The following GPC5 variants were observed in gnomAD, a reference collection of about 807,000 sequenced individuals.
The protein encoded by GPC5 is glypican-5.
GPC5 carries 47 observed loss-of-function variants against 53.9 expected under a neutral mutation model. That is an observed-to-expected ratio of 0.87 (90% CI 0.69 to 1.11). The LOEUF is 1.11. Ranked by LOEUF, GPC5 falls within the 50% of genes most tolerant of loss-of-function variation. The pLI is 0.00. For synonymous variants in GPC5, 286 were observed against 263.3 expected, an observed-to-expected ratio of 1.09 and a Z score of -0.84; for missense variants, 748 against 713.1, an observed-to-expected ratio of 1.05 and a Z score of -0.56.
chr13:92,345,624 G>T (rs2043404746), intron 7 of GPC5, among the ~76,000 whole-genome samples: 1 of 152,130 alleles, frequency 6.6e-6, no homozygotes, highest in African/African-American at 2.4e-5. Flanking sequence ...AGATGAGTAG[G>T]AATTACCTCA....
At chr13:92,477,308 A>C (rs534221455) in intron 7 of GPC5, among the ~76,000 whole-genome samples, 6 of 152,256 alleles carry the variant, frequency 3.9e-5, no homozygotes, top group Non-Finnish European at 8.8e-5. Context: ...TTTCAAGCCA[A>C]GACTGTTTAG....
intron 6 of GPC5, among the ~76,000 whole-genome samples, chr13:91,980,995 A>G (rs2040352321): frequency 6.6e-6 from 1 of 152,132 alleles, no homozygotes; most frequent in Non-Finnish European, 1.5e-5. Flanking sequence ...TTAGAAATCC[A>G]TTTTATATTT....
chr13:92,812,992 T>C (rs903491083), intron 7 of GPC5, among the ~76,000 whole-genome samples: 1 of 152,008 alleles, frequency 6.6e-6, no homozygotes, highest in African/African-American at 2.4e-5. Context: ...CCAATTCTTA[T>C]AAAATGAAGT....
intron 1 of GPC5, among the ~76,000 whole-genome samples, chr13:91,446,938 A>G (rs1346655885): frequency 4.6e-5 from 7 of 152,348 alleles, no homozygotes; most frequent in African/African-American, 1.7e-4. Flanking sequence ...AGAAGAGACC[A>G]TGGAAAATGG....
intron 1 of GPC5, among the ~76,000 whole-genome samples, chr13:91,424,351 TCCAGTACTGC>T: frequency 6.7e-6 from 1 of 148,668 alleles, no homozygotes. Flanking sequence ...ACTGGCAGAA[TCCAGTACTGC>T]TTTTTTTTTT....
At chr13:92,743,579 C>A (rs1182108313) in intron 7 of GPC5, among the ~76,000 whole-genome samples, 2 of 152,090 alleles carry the variant, frequency 1.3e-5, no homozygotes, top group Admixed American at 6.6e-5. Context: ...CCCTTTATTT[C>A]TTTCTCCTGC....
intron 7 of GPC5, among the ~76,000 whole-genome samples, chr13:92,349,597 T>C (rs1043784685): frequency 2.6e-5 from 4 of 151,944 alleles, no homozygotes; most frequent in East Asian, 3.9e-4. Context: ...AATAGAATCA[T>C]AAGCAACTAT....
intron 1 of GPC5, among the ~76,000 whole-genome samples, chr13:91,427,377 T>G (rs1161275475): frequency 6.6e-6 from 1 of 152,216 alleles, no homozygotes; most frequent in East Asian, 1.9e-4. Context: ...ACCTCTTGCA[T>G]CAGTGTGACC....
intron 7 of GPC5, among the ~76,000 whole-genome samples, chr13:92,613,306 A>G (rs1293287412): frequency 8.8e-6 from 1 of 114,188 alleles, no homozygotes; most frequent in African/African-American, 3.5e-5. Flanking sequence ...AAAAATATAT[A>G]ATGTATATAA....
chr13:91,660,425 T>C (rs1418703584), intron 2 of GPC5, among the ~76,000 whole-genome samples: 1 of 152,164 alleles, frequency 6.6e-6, no homozygotes, highest in Non-Finnish European at 1.5e-5. Flanking sequence ...AATCACATGA[T>C]TGAGCTTGGA....
At chr13:92,045,478 G>A (rs542926934) in intron 6 of GPC5, among the ~76,000 whole-genome samples, 1 of 152,184 alleles carries the variant, frequency 6.6e-6, no homozygotes, top group Non-Finnish European at 1.5e-5. Flanking sequence ...TTATGGGCTT[G>A]CTGAACACTT....
intron 7 of GPC5, among the ~76,000 whole-genome samples, chr13:92,245,788 C>T (rs9523544): frequency 0.56 from 85,623 of 151,848 alleles, 24,407 homozygotes; most frequent in South Asian, 0.65. Flanking sequence ...TAATGGATCC[C>T]AGACTCACTG....
chr13:92,767,161 T>C (rs1875434498), intron 7 of GPC5, among the ~76,000 whole-genome samples: 1 of 152,164 alleles, frequency 6.6e-6, no homozygotes, highest in Admixed American at 6.6e-5. Context: ...TTTTCTCTGT[T>C]AACGGTGTAA....
intron 7 of GPC5, among the ~76,000 whole-genome samples, chr13:92,438,820 T>TGCCTAG (rs1409649518): frequency 6.6e-6 from 1 of 152,090 alleles, no homozygotes; most frequent in Non-Finnish European, 1.5e-5. Context: ...TCAAGAATGA[T>TGCCTAG]GCCTAGGTTT....
At chr13:92,024,233 A>C (rs1536370) in intron 6 of GPC5, among the ~76,000 whole-genome samples, 149,827 of 152,230 alleles carry the variant, frequency 0.98, 73,773 homozygotes, top group Middle Eastern at 1. Flanking sequence ...CCCTAGACAT[A>C]TTGTAGGAAA....
intron 7 of GPC5, among the ~76,000 whole-genome samples, chr13:92,665,153 G>A (rs1330366387): frequency 1.3e-5 from 2 of 151,982 alleles, no homozygotes; most frequent in Admixed American, 6.6e-5. Flanking sequence ...ATGATAATTT[G>A]CTCTTCTCAT....
At position 91,736,249 on chromosome 13, in the gene GPC5, T is replaced by A. The variant is rs540227363; in HGVS notation, c.1154+7584T>A. Reference sequence around the variant, plus strand: ...GTATGGCAGGAATTGAGGAATATGCTTAACTGAACCTTCTGTATCTGAGAA... The same window carrying A: ...GTATGGCAGGAATTGAGGAATATGCATAACTGAACCTTCTGTATCTGAGAA... On this transcript the variant is annotated intron_variant, in intron 4 of 7. Transcript: ENST00000377067. Among the ~76,000 whole-genome samples the A allele has an allele frequency of 3.4e-3, 516 of 151,452 alleles. 25 individuals carry two copies. Among genetic ancestry groups the A allele is most frequent in the African/African-American group, 0.012 (490 of 40,788 alleles).
intron 6 of GPC5, among the ~76,000 whole-genome samples, chr13:92,138,917 G>GAA (rs35472147): frequency 2.8e-4 from 41 of 147,592 alleles, no homozygotes; most frequent in African/African-American, 9.6e-4. Context: ...TGCTGCAGGG[G>GAA]AAAAAAAAAA....
intron 7 of GPC5, among the ~76,000 whole-genome samples, chr13:92,463,068 G>T (rs1878559505): frequency 6.6e-6 from 1 of 152,142 alleles, no homozygotes; most frequent in South Asian, 2.1e-4. Context: ...AGCACCAGCT[G>T]GGACCTGCTT....
Sources: gnomAD v4.1 joint callset for allele counts (sites outside exome capture counted in the v4.1 genomes callset) on GRCh38, gnomAD v4.1.1 for gene constraint, MANE v1.5 for transcripts, NCBI Gene and HGNC (gene_info 2026-07-23, HGNC 2026-07-21) for gene names.